GLG1: variants seen among roughly 807,000 people sequenced by gnomAD.
GLG1 encodes the protein Golgi apparatus protein 1.
In GLG1, 38 loss-of-function variants were observed where a neutral mutation model predicts 160.5. That is an observed-to-expected ratio of 0.24 (90% CI 0.18 to 0.31). The LOEUF (loss-of-function observed/expected upper bound fraction) is 0.31. Among genes scored for constraint, GLG1 ranks in the 10% least tolerant of loss-of-function variants. GLG1 has a pLI of 1.00. For synonymous variants in GLG1, 644 were observed against 543.4 expected (o/e 1.19, Z -2.57); for missense variants, 1,373 against 1,505.2 (o/e 0.91, Z 1.45).
intron 15 of GLG1, among the ~76,000 whole-genome samples, chr16:74,470,689 C>T (rs543499790): frequency 6.6e-6 from 1 of 152,240 alleles, no homozygotes; most frequent in East Asian, 1.9e-4. Context: ...CTCAGGTGAT[C>T]AGCCTGCCAC....
At chr16:74,478,397 A>G (rs1009238389) in intron 11 of GLG1, among the ~76,000 whole-genome samples, 3 of 152,028 alleles carry the variant, frequency 2.0e-5, no homozygotes, top group South Asian at 2.1e-4. Flanking sequence ...GAAAACTAGT[A>G]TTTTTCCAAG....
chr16:74,463,276 G>C, intron 20 of GLG1, 80 bp downstream of exon 20: 1 of 1,395,912 alleles, frequency 7.2e-7, no homozygotes. Context: ...AGCCCTGGGA[G>C]TTTGAGCAGG....
intron 16 of GLG1, chr16:74,469,408 A>G (rs886784340): frequency 8.3e-5 from 21 of 252,764 alleles, no homozygotes; most frequent in Non-Finnish European, 1.4e-4. Context: ...CCTACTGTGA[A>G]ACTCACTCCT....
chr16:74,513,240 T>C (rs141674600), intron 2 of GLG1, among the ~76,000 whole-genome samples: 3 of 152,142 alleles, frequency 2.0e-5, no homozygotes, highest in African/African-American at 7.2e-5. Flanking sequence ...AAGAACTTAT[T>C]TGAATGAAAA....
chr16:74,457,172 A>G (rs1197381204), intron 24 of GLG1, among the ~76,000 whole-genome samples: 1 of 152,214 alleles, frequency 6.6e-6, no homozygotes, highest in African/African-American at 2.4e-5. Flanking sequence ...AGGTGGGTGG[A>G]TCACTTGAAG....
At chr16:74,569,627 C>T (rs781705264) in intron 1 of GLG1, among the ~76,000 whole-genome samples, 2 of 151,818 alleles carry the variant, frequency 1.3e-5, no homozygotes, top group African/African-American at 2.4e-5. Context: ...TTTGGGAGGC[C>T]GAGATGGGTG....
intron 8 of GLG1, among the ~76,000 whole-genome samples, chr16:74,489,507 C>T (rs1567476268): frequency 6.6e-6 from 1 of 151,944 alleles, no homozygotes; most frequent in Non-Finnish European, 1.5e-5. Flanking sequence ...CTAACCCCCG[C>T]CACAACAACC....
chr16:74,593,954 T>C (rs1292495738), intron 1 of GLG1, among the ~76,000 whole-genome samples: 1 of 152,052 alleles, frequency 6.6e-6, no homozygotes, highest in Admixed American at 6.6e-5. Flanking sequence ...TTGCCCAGGC[T>C]AGAGTGCAAT....
At chr16:74,477,323 T>C in intron 12 of GLG1, 73 bp downstream of exon 12, 1 of 1,079,834 alleles carries the variant, frequency 9.3e-7, no homozygotes. Flanking sequence ...TTTATGGTGT[T>C]TGTACTCTGC....
rs948565882 is a variant in GLG1, at chr16:74,470,077, A to C, written c.2230-4T>G. On this transcript the variant is annotated splice_region_variant and splice_polypyrimidine_tract_variant and intron_variant, in intron 15 of 25. Transcript: ENST00000422840. ...ACCGAAAATCCTTCATCTGCACCTG[A>C]AAGGTAAAGAGAAAGAAAGTCAGAA... 1.1e-5 allele frequency: 17 copies of C among 1,577,360 alleles called. No homozygotes were observed. In the Admixed American group the frequency reaches 1.7e-4, roughly 15 times the overall value.
At position 74,451,682 on chromosome 16, in the gene GLG1, C is replaced by T. The variant is rs1035308229; in HGVS notation, c.*1485G>A. 1 of 238,028 alleles carries T rather than the reference C, an allele frequency of 4.2e-6. No individual in the cohort carries two copies. Among genetic ancestry groups the T allele is most frequent in the Non-Finnish European group, 8.4e-6 (1 of 118,438 alleles). 14.7% of individuals were successfully genotyped at this position (238,028 alleles called of 1,614,324 possible). A position where few individuals can be genotyped will look rare whatever the true frequency, so the allele number is the denominator to read the frequency against. On this transcript the variant is annotated 3_prime_UTR_variant, in exon 26 of 26. Transcript: ENST00000422840. Reference sequence around the variant, plus strand: ...AATATATATTACATAAATGTCTCTCCTACTGTACACACTGCTCTCTTGTGC... The same window carrying T: ...AATATATATTACATAAATGTCTCTCTTACTGTACACACTGCTCTCTTGTGC...
At chr16:74,546,386 A>T (rs1382880001) in intron 1 of GLG1, among the ~76,000 whole-genome samples, 3 of 152,180 alleles carry the variant, frequency 2.0e-5, no homozygotes, top group African/African-American at 7.2e-5. Flanking sequence ...TAGAGATTGC[A>T]GTAAGCAGAG....
intron 1 of GLG1, among the ~76,000 whole-genome samples, chr16:74,553,967 C>T (rs1428618377): frequency 6.6e-6 from 1 of 152,148 alleles, no homozygotes; most frequent in Admixed American, 6.5e-5. Flanking sequence ...TGCAAAAATA[C>T]AATTTGTCAA....
At chr16:74,596,326 C>T (rs1203349309) in intron 1 of GLG1, among the ~76,000 whole-genome samples, 2 of 151,932 alleles carry the variant, frequency 1.3e-5, no homozygotes, top group East Asian at 1.9e-4. Context: ...GTCAGCAGTT[C>T]GAGACAAGCC....
At chr16:74,558,973 G>A (rs1364717924) in intron 1 of GLG1, among the ~76,000 whole-genome samples, 1 of 152,130 alleles carries the variant, frequency 6.6e-6, no homozygotes, top group African/African-American at 2.4e-5. Context: ...CTGCATCCCA[G>A]AACTGGGCTC....
At chr16:74,468,747 G>T in intron 17 of GLG1, 199 bp downstream of exon 17, 1 of 573,718 alleles carries the variant, frequency 1.7e-6, no homozygotes, top group Non-Finnish European at 3.2e-6. Context: ...AGTTACATGT[G>T]GGAAGAAAGG....
At chr16:74,576,252 G>C (rs1028656336) in intron 1 of GLG1, among the ~76,000 whole-genome samples, 2 of 151,612 alleles carry the variant, frequency 1.3e-5, no homozygotes, top group Non-Finnish European at 2.9e-5. Flanking sequence ...ATACACATTT[G>C]GCCCTGGTTA....
intron 19 of GLG1, chr16:74,463,953 C>T (rs1567458749): frequency 5.7e-6 from 1 of 176,438 alleles, no homozygotes; most frequent in Non-Finnish European, 1.2e-5. Context: ...TAGCTGTGAT[C>T]AATTAGTTGT....
chr16:74,486,017 A>G lies in GLG1; in HGVS notation c.1450-100T>C. The G allele has an allele frequency of 4.7e-6, 4 of 854,078 alleles. No homozygotes were observed. In the South Asian group the frequency reaches 6.8e-5, roughly 14 times the overall value. 52.9% of individuals were successfully genotyped at this position (854,078 alleles called of 1,614,324 possible). A position where few individuals can be genotyped will look rare whatever the true frequency, so the allele number is the denominator to read the frequency against. On this transcript the variant is annotated intron_variant, in intron 8 of 25. Transcript: ENST00000422840. ...CAGTTGCTCAGTCCTATTTACCACA[A>G]TGTACTCCAATAAAGTTGTCTACAG...
Sources: allele counts gnomAD v4.1 joint callset (sites outside exome capture counted in the v4.1 genomes callset), GRCh38; gene constraint gnomAD v4.1.1; transcripts MANE v1.5; gene names NCBI Gene and HGNC (gene_info 2026-07-23, HGNC 2026-07-21).